CNTNAP4: variants seen among roughly 807,000 people sequenced by gnomAD.
The protein encoded by CNTNAP4 is contactin-associated protein-like 4.
Under a neutral mutation model 148.4 loss-of-function variants are expected in CNTNAP4, and 98 were observed. That is an observed-to-expected ratio of 0.66 (90% CI 0.56 to 0.78). The LOEUF is 0.78. Among genes scored for constraint, CNTNAP4 ranks in the 30% least tolerant of loss-of-function variants. The probability of loss-of-function intolerance (pLI) is 0.00; values close to 1 mark genes in which losing one functional copy is unlikely to be tolerated. For missense variants in CNTNAP4, 1,935 were observed against 1,565.6 expected (o/e 1.24, Z -3.98); for synonymous variants, 730 against 565.1 (o/e 1.29, Z -4.14).
At position 76,481,378 on chromosome 16, in the gene CNTNAP4, C is replaced by T. The variant is rs192998270; in HGVS notation, c.1882+1840C>T. On this transcript the variant is annotated intron_variant, in intron 12 of 23. Transcript: ENST00000611870. ...TTTAAACTTAAATTTAAAAATTTAA[C>T]TAAAATAGGATTAAATAACAGCCGG... Among the ~76,000 whole-genome samples the T allele has an allele frequency of 4.5e-3, 684 of 152,240 alleles. 2 individuals carry two copies. The highest frequency in any genetic ancestry group is 7.6e-3 in the Non-Finnish European group (518 of 68,016).
intron 3 of CNTNAP4, among the ~76,000 whole-genome samples, chr16:76,367,491 A>C (rs2014286334): frequency 6.6e-6 from 1 of 152,186 alleles, no homozygotes; most frequent in Non-Finnish European, 1.5e-5. Context: ...TACATTGGGA[A>C]ATATTTTTAG....
intron 2 of CNTNAP4, among the ~76,000 whole-genome samples, chr16:76,339,039 T>C (rs1273162150): frequency 6.6e-6 from 1 of 152,202 alleles, no homozygotes; most frequent in Non-Finnish European, 1.5e-5. Context: ...ATTAGAATGA[T>C]ATTAATAAGC....
intron 6 of CNTNAP4, 112 bp downstream of exon 6, chr16:76,449,063 G>A (rs780080709): frequency 9.9e-7 from 1 of 1,011,040 alleles, no homozygotes; most frequent in Non-Finnish European, 1.5e-6. Flanking sequence ...CATAGAACAG[G>A]TGAAGCATTT....
At chr16:76,305,952 C>G (rs1894032566) in intron 1 of CNTNAP4, among the ~76,000 whole-genome samples, 1 of 152,162 alleles carries the variant, frequency 6.6e-6, no homozygotes, top group Non-Finnish European at 1.5e-5. Context: ...AAGCTTATGG[C>G]TTCCAGCTTC....
At chr16:76,412,981 TA>T (rs2078850553) in intron 3 of CNTNAP4, among the ~76,000 whole-genome samples, 1 of 151,458 alleles carries the variant, frequency 6.6e-6, no homozygotes, top group Non-Finnish European at 1.5e-5. Context: ...AATCCTTCTT[TA>T]AAAATTTCTT....
intron 3 of CNTNAP4, among the ~76,000 whole-genome samples, chr16:76,395,039 T>C (rs1024081119): frequency 1.3e-5 from 2 of 152,114 alleles, no homozygotes; most frequent in African/African-American, 2.4e-5. Context: ...ATTCCTCTTT[T>C]TCAGACAAAA....
At chr16:76,404,374 T>A (rs943003338) in intron 3 of CNTNAP4, among the ~76,000 whole-genome samples, 1 of 150,526 alleles carries the variant, frequency 6.6e-6, no homozygotes, top group African/African-American at 2.4e-5. Context: ...ATATAAATAA[T>A]AAATCCCAGT....
At chr16:76,416,341 A>G (rs958278251) in intron 3 of CNTNAP4, among the ~76,000 whole-genome samples, 2 of 151,368 alleles carry the variant, frequency 1.3e-5, no homozygotes, top group Non-Finnish European at 3.0e-5. Flanking sequence ...ATAACCTAGG[A>G]TGAAAACTTG....
chr16:76,381,527 A>G (rs1450262996), intron 3 of CNTNAP4, among the ~76,000 whole-genome samples: 1 of 152,198 alleles, frequency 6.6e-6, no homozygotes, highest in African/African-American at 2.4e-5. Flanking sequence ...CTCAGCTTCT[A>G]CTTCCTTCAG....
At chr16:76,556,040 A>C (rs971961312) in intron 23 of CNTNAP4, among the ~76,000 whole-genome samples, 1 of 152,188 alleles carries the variant, frequency 6.6e-6, no homozygotes, top group Non-Finnish European at 1.5e-5. Context: ...TCACTCATAA[A>C]TTGCACCCAC....
intron 3 of CNTNAP4, among the ~76,000 whole-genome samples, chr16:76,371,697 A>G (rs552497470): frequency 4.9e-4 from 74 of 152,362 alleles, no homozygotes; most frequent in African/African-American, 1.7e-3. Context: ...GGCTCTGTCC[A>G]GTCCTAACCT....
intron 3 of CNTNAP4, among the ~76,000 whole-genome samples, chr16:76,389,899 A>G (rs1051830702): frequency 1.2e-4 from 18 of 152,208 alleles, no homozygotes; most frequent in African/African-American, 4.3e-4. Flanking sequence ...AGAACCTGAG[A>G]CAAGAATTTG....
At chr16:76,470,506 C>T (rs1337843146) in intron 10 of CNTNAP4, among the ~76,000 whole-genome samples, 2 of 59,920 alleles carry the variant, frequency 3.3e-5, no homozygotes, top group Non-Finnish European at 6.6e-5. Context: ...TAAAATTAGT[C>T]GGGCATGGTG....
chr16:76,502,445 C>T (rs971935305), intron 15 of CNTNAP4, among the ~76,000 whole-genome samples: 1 of 150,672 alleles, frequency 6.6e-6, no homozygotes, highest in African/African-American at 2.4e-5. Context: ...GGATCATGCA[C>T]GGTAGGCCTT....
At chr16:76,491,056 AAGTC>A (rs1475082728) in intron 13 of CNTNAP4, among the ~76,000 whole-genome samples, 1 of 152,094 alleles carries the variant, frequency 6.6e-6, no homozygotes, top group African/African-American at 2.4e-5. Context: ...ATTTCCGATT[AAGTC>A]TCTCTCTATT....
intron 23 of CNTNAP4, among the ~76,000 whole-genome samples, chr16:76,555,006 C>T (rs905761883): frequency 6.6e-6 from 1 of 151,572 alleles, no homozygotes; most frequent in Non-Finnish European, 1.5e-5. Context: ...GGCACAAAAA[C>T]TTTAAAATTG....
chr16:76,401,629 A>C (rs1211955142), intron 3 of CNTNAP4, among the ~76,000 whole-genome samples: 2 of 152,146 alleles, frequency 1.3e-5, no homozygotes, highest in Non-Finnish European at 2.9e-5. Context: ...GGTGGTTTTC[A>C]AGGGGAATGT....
chr16:76,514,579 G>T (rs954826852), intron 15 of CNTNAP4, among the ~76,000 whole-genome samples: 3 of 152,128 alleles, frequency 2.0e-5, no homozygotes, highest in East Asian at 1.9e-4. Context: ...GTGCATGTGT[G>T]GGGGTGGTTA....
At chr16:76,379,290 GA>G (rs1259633064) in intron 3 of CNTNAP4, among the ~76,000 whole-genome samples, 1 of 152,142 alleles carries the variant, frequency 6.6e-6, no homozygotes, top group Non-Finnish European at 1.5e-5. Context: ...TCCTGAAAGA[GA>G]ATGAGATTCA....
Sources: gnomAD v4.1 joint callset for allele counts (sites outside exome capture counted in the v4.1 genomes callset) on GRCh38, gnomAD v4.1.1 for gene constraint, MANE v1.5 for transcripts, NCBI Gene and HGNC (gene_info 2026-07-23, HGNC 2026-07-21) for gene names.